Variants in ATP13A4 observed in about 807,000 individuals in gnomAD.
The protein encoded by ATP13A4 is ATPase 13A4.
A neutral mutation model predicts 142.5 loss-of-function variants in ATP13A4; 114 were observed. The ratio of observed to expected loss-of-function variants is 0.80; its 90% CI spans 0.69 to 0.93. The LOEUF (loss-of-function observed/expected upper bound fraction) is 0.93, where lower values mean the gene tolerates loss of function less well. ATP13A4 is among the 40% of genes least tolerant of loss of function. The pLI, the probability that ATP13A4 is intolerant of heterozygous loss-of-function variation, is 0.00. For missense variants in ATP13A4, 1,392 were observed against 1,454.0 expected (o/e 0.96, Z 0.69); for synonymous variants, 488 against 514.8 (o/e 0.95, Z 0.70).
chr3:193,480,122 T>C (rs2108655612), intron 8 of ATP13A4, among the ~76,000 whole-genome samples: 1 of 152,206 alleles, frequency 6.6e-6, no homozygotes, highest in Non-Finnish European at 1.5e-5. Context: ...TCAAGATGGA[T>C]CAAAGGCTTA....
At chr3:193,510,012 A>T (rs1295842648) in intron 2 of ATP13A4, among the ~76,000 whole-genome samples, 2 of 152,154 alleles carry the variant, frequency 1.3e-5, no homozygotes, top group Non-Finnish European at 2.9e-5. Flanking sequence ...GCATGAATGG[A>T]GGGGAGAAGG....
intron 2 of ATP13A4, among the ~76,000 whole-genome samples, chr3:193,504,581 T>C (rs947859648): frequency 6.6e-6 from 1 of 152,148 alleles, no homozygotes; most frequent in African/African-American, 2.4e-5. Context: ...CACTTAACAG[T>C]CACCTCCCCA....
In ATP13A4 at chr3:193,562,804, G is replaced by A. The variant is rs538642293; in HGVS notation, n.291+18903C>T. ...GAGGATCACTTGAACCCAGAAGGCA[G>A]AGGTTGCAGTGAGCTGAGATGGTGC... On this transcript the variant is annotated intron_variant and non_coding_transcript_variant, in intron 2 of 3. Coordinates refer to the ATP13A4 transcript ENST00000489140. Among the ~76,000 whole-genome samples the A allele has an allele frequency of 1.1e-4, 17 of 152,344 alleles. No individual in the cohort carries two copies. The South Asian group carries it at 3.3e-3, about 30-fold the overall frequency.
intron 3 of ATP13A4, among the ~76,000 whole-genome samples, chr3:193,500,534 C>A (rs1054139312): frequency 2.0e-5 from 3 of 152,144 alleles, no homozygotes; most frequent in Non-Finnish European, 4.4e-5. Flanking sequence ...TCATTAGATT[C>A]TCATAAGGAG....
intron 8 of ATP13A4, among the ~76,000 whole-genome samples, chr3:193,482,286 A>C (rs781036865): frequency 6.6e-6 from 1 of 152,210 alleles, no homozygotes; most frequent in Non-Finnish European, 1.5e-5. Flanking sequence ...AACAAAATTC[A>C]AAATGTAATA....
upstream of ATP13A4, chr3:193,555,216 A>C (rs1039458683): frequency 6.2e-5 from 19 of 307,478 alleles, no homozygotes; most frequent in Admixed American, 1.7e-4. Context: ...GAGCGGGTGC[A>C]AGAACTCCCA....
chr3:193,587,734 A>G (rs1724695458), intron 1 of ATP13A4, among the ~76,000 whole-genome samples: 1 of 152,200 alleles, frequency 6.6e-6, no homozygotes, highest in Admixed American at 6.5e-5. Flanking sequence ...TATGCCTTAC[A>G]TTTCTTGTTC....
At chr3:193,576,579 A>T (rs1016239714) in intron 2 of ATP13A4, among the ~76,000 whole-genome samples, 1 of 152,120 alleles carries the variant, frequency 6.6e-6, no homozygotes, top group African/African-American at 2.4e-5. Flanking sequence ...CCTTGAATCA[A>T]TCTTATGTAA....
At chr3:193,420,270 C>A (rs1180337879) in intron 25 of ATP13A4, among the ~76,000 whole-genome samples, 3 of 149,406 alleles carry the variant, frequency 2.0e-5, no homozygotes, top group Non-Finnish European at 4.4e-5. Flanking sequence ...TCATTATTGG[C>A]ATTGATCTTA....
intron 9 of ATP13A4, among the ~76,000 whole-genome samples, chr3:193,470,357 A>T (rs1186723046): frequency 6.6e-6 from 1 of 152,178 alleles, no homozygotes. Context: ...CCAGTTTTGG[A>T]CTGGAAGCAG....
chr3:193,558,412 G>A (rs1401013475), upstream of ATP13A4, among the ~76,000 whole-genome samples: 2 of 152,160 alleles, frequency 1.3e-5, no homozygotes, highest in Admixed American at 1.3e-4. Flanking sequence ...TTTCCTGAAG[G>A]ATTCCATTCA....
At chr3:193,469,094 T>A (rs1718468029) in intron 9 of ATP13A4, among the ~76,000 whole-genome samples, 3 of 152,212 alleles carry the variant, frequency 2.0e-5, no homozygotes, top group African/African-American at 7.2e-5. Context: ...GCAGACAAGA[T>A]TACTTAGAGA....
chr3:193,533,223 T>C (rs1481950283), intron 1 of ATP13A4, among the ~76,000 whole-genome samples: 6 of 152,102 alleles, frequency 3.9e-5, no homozygotes, highest in African/African-American at 4.8e-5. Context: ...CTAAAATATA[T>C]ACATTTTTAA....
At chr3:193,573,288 T>C (rs1375400698) in intron 2 of ATP13A4, among the ~76,000 whole-genome samples, 24 of 76,856 alleles carry the variant, frequency 3.1e-4, no homozygotes, top group African/African-American at 1.4e-3. Flanking sequence ...TATATATATA[T>C]ACACATATAT....
intron 1 of ATP13A4, among the ~76,000 whole-genome samples, chr3:193,551,111 T>C (rs1199483623): frequency 6.6e-6 from 1 of 152,172 alleles, no homozygotes; most frequent in Non-Finnish European, 1.5e-5. Context: ...CTACGGCCTA[T>C]GAATAAAAGT....
chr3:193,452,271 T>G (rs1717323978), intron 17 of ATP13A4, among the ~76,000 whole-genome samples: 1 of 152,206 alleles, frequency 6.6e-6, no homozygotes, highest in South Asian at 2.1e-4. Context: ...TGGACGCAAG[T>G]TGCCTCTCCT....
rs1491150855 is a variant in ATP13A4 at position 193,582,698 on chromosome 3, CAT to C, written n.92-794_92-793del. ...ACATATATATTATATATGTGTATAA[CAT>C]ATATAATATATATGTATATTACATA... On this transcript the variant is annotated intron_variant and non_coding_transcript_variant, in intron 1 of 3. Coordinates refer to the ATP13A4 transcript ENST00000489140. Among the ~76,000 whole-genome samples the C allele has an allele frequency of 9.0e-5, 5 of 55,748 alleles. 1 individual carries two copies. The highest frequency in any genetic ancestry group is 1.5e-4 in the Non-Finnish European group (5 of 32,714). 36.6% of individuals were successfully genotyped at this position (55,748 alleles called of 152,430 possible).
At chr3:193,411,322 G>C (rs1485464396) in intron 27 of ATP13A4, among the ~76,000 whole-genome samples, 1 of 151,988 alleles carries the variant, frequency 6.6e-6, no homozygotes, top group Non-Finnish European at 1.5e-5. Flanking sequence ...ATATACATAG[G>C]GTAACATTGA....
At chr3:193,486,560 T>C (rs897021227) in intron 7 of ATP13A4, among the ~76,000 whole-genome samples, 1 of 152,230 alleles carries the variant, frequency 6.6e-6, no homozygotes, top group Non-Finnish European at 1.5e-5. Context: ...GTCAGCAGTA[T>C]CTGCTACCAC....
Sources: gnomAD v4.1 joint callset for allele counts (sites outside exome capture counted in the v4.1 genomes callset) on GRCh38, gnomAD v4.1.1 for gene constraint, MANE v1.5 for transcripts, NCBI Gene and HGNC (gene_info 2026-07-23, HGNC 2026-07-21) for gene names.